SAE1: variants seen among roughly 807,000 people sequenced by gnomAD.
SAE1 encodes the protein SUMO-activating enzyme subunit 1.
A neutral mutation model predicts 40.6 loss-of-function variants in SAE1; 11 were observed. The observed-to-expected ratio is 0.27, with a 90% CI of 0.17 to 0.45. The LOEUF (loss-of-function observed/expected upper bound fraction) is 0.45. Among genes scored for constraint, SAE1 ranks in the 20% least tolerant of loss-of-function variants. The probability of loss-of-function intolerance (pLI) is 1.00; values close to 1 mark genes in which losing one functional copy is unlikely to be tolerated. For synonymous variants in SAE1, 155 were observed against 154.3 expected (o/e 1.00, Z -0.03); for missense variants, 373 against 427.3 (o/e 0.87, Z 1.12).
chr19:47,135,771 C>T (rs909872115), intron 1 of SAE1, among the ~76,000 whole-genome samples: 1 of 152,094 alleles, frequency 6.6e-6, no homozygotes, highest in African/African-American at 2.4e-5. Flanking sequence ...GCGTGAACAG[C>T]AATGCCCAGC....
At chr19:47,202,394 T>A (rs1163442734) in intron 7 of SAE1, among the ~76,000 whole-genome samples, 2 of 151,948 alleles carry the variant, frequency 1.3e-5, no homozygotes, top group African/African-American at 2.4e-5. Flanking sequence ...TTCAAGCGAT[T>A]CTCCTGCCTC....
chr19:47,163,322 T>A (rs1044399488), intron 5 of SAE1, among the ~76,000 whole-genome samples: 1 of 152,168 alleles, frequency 6.6e-6, no homozygotes, highest in African/African-American at 2.4e-5. Context: ...CGTCTATCTG[T>A]ACCAAACATG....
chr19:47,209,081 A>G, intron 8 of SAE1, 78 bp from the exon 9 acceptor site: 2 of 1,459,556 alleles, frequency 1.4e-6, no homozygotes, highest in Non-Finnish European at 1.9e-6. Flanking sequence ...ACTGCCCTAG[A>G]CTGCTTTTAG....
At chr19:47,200,845 A>T (rs2058649525) in intron 7 of SAE1, among the ~76,000 whole-genome samples, 1 of 151,902 alleles carries the variant, frequency 6.6e-6, no homozygotes, top group Non-Finnish European at 1.5e-5. Flanking sequence ...ATATTTTATT[A>T]TCTGGTTCTT....
intron 6 of SAE1, chr19:47,180,149 T>C (rs1402106529): frequency 1.5e-5 from 7 of 455,918 alleles, no homozygotes; most frequent in Non-Finnish European, 3.1e-5. Context: ...TTCCTAGAAT[T>C]GTTTCCTAGA....
chr19:47,186,519 T>C (rs1481899404), intron 6 of SAE1, among the ~76,000 whole-genome samples: 2 of 152,190 alleles, frequency 1.3e-5, no homozygotes, highest in Middle Eastern at 3.2e-3. Context: ...TCCCCTCTGC[T>C]GTGGGTGAGG....
intron 3 of SAE1, among the ~76,000 whole-genome samples, chr19:47,151,723 C>T (rs1466630883): frequency 1.3e-5 from 2 of 152,152 alleles, no homozygotes; most frequent in Non-Finnish European, 2.9e-5. Flanking sequence ...GGTATTGGGA[C>T]ACTTTCCATT....
At chr19:47,183,529 C>T (rs919011829) in intron 6 of SAE1, among the ~76,000 whole-genome samples, 1 of 152,114 alleles carries the variant, frequency 6.6e-6, no homozygotes, top group Non-Finnish European at 1.5e-5. Context: ...TTTTCTTATT[C>T]CACTTTTGCA....
intron 8 of SAE1, among the ~76,000 whole-genome samples, chr19:47,204,247 G>C (rs2058672633): frequency 1.5e-5 from 2 of 135,450 alleles, no homozygotes; most frequent in African/African-American, 5.6e-5. Context: ...CCCCAGGCTG[G>C]AGTGCAGTAG....
intron 6 of SAE1, among the ~76,000 whole-genome samples, chr19:47,184,273 C>G (rs2058528572): frequency 6.6e-6 from 1 of 152,136 alleles, no homozygotes; most frequent in Non-Finnish European, 1.5e-5. Context: ...AAAGGTGACA[C>G]TATAACGTAG....
chr19:47,151,629 G>A (rs1479888342), intron 3 of SAE1, among the ~76,000 whole-genome samples: 1 of 152,126 alleles, frequency 6.6e-6, no homozygotes, highest in Admixed American at 6.6e-5. Context: ...ATGTGCATCT[G>A]TTCAAATATG....
At chr19:47,180,671 A>C (rs1175157170) in intron 6 of SAE1, among the ~76,000 whole-genome samples, 1 of 152,058 alleles carries the variant, frequency 6.6e-6, no homozygotes, top group African/African-American at 2.4e-5. Flanking sequence ...AAAAATAAAA[A>C]AGTTAGCCAG....
chr19:47,166,617 T>C (rs1041082908), intron 5 of SAE1, among the ~76,000 whole-genome samples: 2 of 152,132 alleles, frequency 1.3e-5, no homozygotes, highest in Non-Finnish European at 2.9e-5. Context: ...TCGTTGCTTA[T>C]AGTCAGGCAA....
rs895407920 is a variant in SAE1 at position 47,130,990 on chromosome 19, C to T, written c.60C>T (p.Asp20=). 1.1e-5 allele frequency: 17 copies of T among 1,546,858 alleles called. No homozygotes were observed. In the Admixed American group the frequency reaches 3.0e-4, roughly 27 times the overall value. The change falls in exon 1 of 9, where the codon GAC becomes GAT. Residue 20 remains aspartate, a synonymous_variant. Coordinates refer to ENST00000270225, the MANE Select transcript of SAE1 (RefSeq NM_005500.3). Reference sequence around the variant, plus strand: ...GCGAGGAGGAGGCGGCACAGTATGACCGGCAGATCCGCCTGTGGGGACTGG... The same window carrying T: ...GCGAGGAGGAGGCGGCACAGTATGATCGGCAGATCCGCCTGTGGGGACTGG... ...GISEEEAAQY[D]RQIRLWGLEA... is the part of the protein sequence containing the mutation.
At chr19:47,165,982 G>C (rs747574256) in intron 5 of SAE1, among the ~76,000 whole-genome samples, 41 of 152,246 alleles carry the variant, frequency 2.7e-4, no homozygotes, top group Admixed American at 1.2e-3. Context: ...GGCCTGGTTG[G>C]GGTCCTGTGC....
At chr19:47,163,194 C>G (rs2058369607) in intron 5 of SAE1, among the ~76,000 whole-genome samples, 1 of 150,284 alleles carries the variant, frequency 6.7e-6, no homozygotes, top group South Asian at 2.1e-4. Flanking sequence ...ATGGGCTTCA[C>G]ATTCATGGAT....
chr19:47,143,423 A>G (rs2058234493), intron 1 of SAE1, 71 bp from the exon 2 acceptor site: 2 of 1,284,766 alleles, frequency 1.6e-6, no homozygotes, highest in Non-Finnish European at 2.3e-6. Flanking sequence ...TGATTTGTGT[A>G]TTTTTTGTTC....
chr19:47,178,640 T>C (rs528904917), intron 6 of SAE1, among the ~76,000 whole-genome samples: 1 of 152,242 alleles, frequency 6.6e-6, no homozygotes, highest in South Asian at 2.1e-4. Flanking sequence ...GCCTGGCTAA[T>C]TTTTGTATTT....
chr19:47,203,827 G>A (rs761989857), intron 8 of SAE1, 87 bp downstream of exon 8: 45 of 1,187,308 alleles, frequency 3.8e-5, no homozygotes, highest in Non-Finnish European at 5.4e-5. Context: ...TTAGACAGCT[G>A]CCTGCTTTCT....
Sources: allele counts gnomAD v4.1 joint callset (sites outside exome capture counted in the v4.1 genomes callset), GRCh38; gene constraint gnomAD v4.1.1; transcripts MANE v1.5; gene names NCBI Gene and HGNC (gene_info 2026-07-23, HGNC 2026-07-21).